GNG12: variants seen among roughly 807,000 people sequenced by gnomAD.
GNG12 encodes the protein guanine nucleotide-binding protein G(I)/G(S)/G(O) subunit gamma-12.
For synonymous variants in GNG12, 28 were observed against 29.7 expected, an observed-to-expected ratio of 0.94 and a Z score of 0.19; for missense variants, 69 against 83.8, an observed-to-expected ratio of 0.82 and a Z score of 0.69.
chr1:67,780,126 T>C (rs1325528241), intron 1 of GNG12, among the ~76,000 whole-genome samples: 1 of 152,230 alleles, frequency 6.6e-6, no homozygotes, highest in Non-Finnish European at 1.5e-5. Flanking sequence ...CTATTGGTAA[T>C]ATTAAAAGCT....
At chr1:67,821,075 T>C (rs532056282) in intron 1 of GNG12, among the ~76,000 whole-genome samples, 2 of 152,324 alleles carry the variant, frequency 1.3e-5, no homozygotes, top group South Asian at 2.1e-4. Flanking sequence ...CTAAGAAGCA[T>C]ATTTTGTTCA....
rs1232938085 is a variant in GNG12 at position 67,776,620 on chromosome 1, G to A, written c.-27+838C>T. Among the ~76,000 whole-genome samples the A allele has an allele frequency of 3.3e-5, 5 of 152,244 alleles. No homozygotes were observed. The East Asian group carries it at 9.6e-4, about 29-fold the overall frequency. ...CTTAGTCATCATTATCTCTCCACCTGACAGCCAGTGACCCCCAGAAACAAA... is the reference window on the plus strand; with the variant it reads ...CTTAGTCATCATTATCTCTCCACCTAACAGCCAGTGACCCCCAGAAACAAA... On this transcript the variant is annotated intron_variant, in intron 2 of 3. Transcript: ENST00000370982.
chr1:67,748,626 T>C (rs1156770801), intron 2 of GNG12, among the ~76,000 whole-genome samples: 1 of 152,156 alleles, frequency 6.6e-6, no homozygotes, highest in African/African-American at 2.4e-5. Context: ...TGCACTGCCA[T>C]TCTTGTTTTT....
intron 2 of GNG12, among the ~76,000 whole-genome samples, chr1:67,720,620 C>T (rs1646351445): frequency 6.6e-6 from 1 of 152,160 alleles, no homozygotes; most frequent in Admixed American, 6.5e-5. Context: ...GTGTTAAGGG[C>T]TTTAGATAAA....
At chr1:67,744,035 T>C (rs1422446532) in intron 2 of GNG12, among the ~76,000 whole-genome samples, 1 of 152,178 alleles carries the variant, frequency 6.6e-6, no homozygotes, top group South Asian at 2.1e-4. Flanking sequence ...TCAAAGGGCA[T>C]TGCTTGAGTG....
At position 67,724,126 on chromosome 1, in the gene GNG12, T is replaced by A. The variant is rs150480655; in HGVS notation, c.-26-16414A>T. ...GGCAGGAGGGTTGTTTCAGAGATGG[T>A]TGGCACTGGAGCATTTCCAGAAACA... On this transcript the variant is annotated intron_variant, in intron 2 of 3. Transcript: ENST00000370982. Among the ~76,000 whole-genome samples the A allele has an allele frequency of 1.2e-4, 19 of 152,238 alleles. No homozygotes were observed. The East Asian group carries it at 3.7e-3, about 29-fold the overall frequency.
chr1:67,763,040 G>T (rs902225386), intron 2 of GNG12, among the ~76,000 whole-genome samples: 3 of 145,212 alleles, frequency 2.1e-5, no homozygotes, highest in African/African-American at 7.6e-5. Flanking sequence ...ACCCAGATTT[G>T]GGTTCCTCAA....
chr1:67,799,244 A>G (rs1276311), intron 1 of GNG12, among the ~76,000 whole-genome samples: 110,149 of 152,014 alleles, frequency 0.72, 40,021 homozygotes, highest in Middle Eastern at 0.79. Flanking sequence ...AGTTAGGAAC[A>G]TGGCTACCCA....
chr1:67,797,107 C>T (rs1270222431), intron 1 of GNG12, among the ~76,000 whole-genome samples: 3 of 152,196 alleles, frequency 2.0e-5, no homozygotes, highest in Non-Finnish European at 4.4e-5. Context: ...TTGGGGATCA[C>T]ATTTTAACAT....
intron 2 of GNG12, among the ~76,000 whole-genome samples, chr1:67,760,404 A>AT (rs1343277015): frequency 6.7e-6 from 1 of 148,498 alleles, no homozygotes; most frequent in East Asian, 1.9e-4. Flanking sequence ...ATTTTTATTT[A>AT]TTTTTTGCTT....
chr1:67,716,841 T>G (rs1646328370), intron 2 of GNG12, among the ~76,000 whole-genome samples: 1 of 152,338 alleles, frequency 6.6e-6, no homozygotes, highest in South Asian at 2.1e-4. Flanking sequence ...TCAATTGTTC[T>G]TATTTCTAAG....
At chr1:67,722,867 G>A (rs537653607) in intron 2 of GNG12, among the ~76,000 whole-genome samples, 1 of 152,282 alleles carries the variant, frequency 6.6e-6, no homozygotes, top group African/African-American at 2.4e-5. Context: ...GGGGTCAGAT[G>A]AAACTGGGTT....
At chr1:67,714,725 T>G (rs1646315164) in intron 2 of GNG12, among the ~76,000 whole-genome samples, 1 of 152,080 alleles carries the variant, frequency 6.6e-6, no homozygotes, top group African/African-American at 2.4e-5. Context: ...CCCCCAAAAT[T>G]TATATGTTGA....
chr1:67,710,946 C>A (rs541326659), intron 2 of GNG12, among the ~76,000 whole-genome samples: 1 of 152,128 alleles, frequency 6.6e-6, no homozygotes, highest in South Asian at 2.1e-4. Context: ...CCTGCCCTCA[C>A]AGAGAAAACG....
chr1:67,750,629 C>T (rs1002974037), intron 2 of GNG12, among the ~76,000 whole-genome samples: 3 of 152,160 alleles, frequency 2.0e-5, no homozygotes, highest in Admixed American at 6.5e-5. Flanking sequence ...ACTTACAAAT[C>T]GGCAGGGTTT....
chr1:67,763,259 C>G (rs1646617101), intron 2 of GNG12, among the ~76,000 whole-genome samples: 1 of 152,122 alleles, frequency 6.6e-6, no homozygotes, highest in Admixed American at 6.5e-5. Flanking sequence ...GATCTACAAC[C>G]TTATTCAGAT....
At chr1:67,770,670 T>C (rs1446414190) in intron 2 of GNG12, among the ~76,000 whole-genome samples, 2 of 152,086 alleles carry the variant, frequency 1.3e-5, no homozygotes, top group African/African-American at 4.8e-5. Flanking sequence ...GCAAGGCCCC[T>C]CAGAGGAGTC....
chr1:67,829,792 T>C lies in GNG12; in HGVS notation c.-77+3552A>G, dbSNP rs115448662. On this transcript the variant is annotated intron_variant, in intron 1 of 3. Coordinates refer to ENST00000370982, the MANE Select transcript of GNG12 (RefSeq NM_018841.6). The stretch of plus-strand genomic sequence containing the variant: ...TCAGTTGTTTCAGAGCATAATGTCA[T>C]AGGCAAGAAACAATTAATAATCACA... Among the ~76,000 whole-genome samples the C allele has an allele frequency of 3.7e-3, 562 of 152,318 alleles. 3 individuals carry two copies. The highest frequency in any genetic ancestry group is 0.013 in the African/African-American group (544 of 41,570).
intron 1 of GNG12, among the ~76,000 whole-genome samples, chr1:67,798,974 A>G (rs1646848365): frequency 1.3e-5 from 2 of 152,054 alleles, no homozygotes; most frequent in South Asian, 2.1e-4. Context: ...AAATAAATAA[A>G]TAAATAAATA....
Sources: gnomAD v4.1 joint callset for allele counts (sites outside exome capture counted in the v4.1 genomes callset) on GRCh38, gnomAD v4.1.1 for gene constraint, MANE v1.5 for transcripts, NCBI Gene and HGNC (gene_info 2026-07-23, HGNC 2026-07-21) for gene names.